Variants in PPP2R2B observed in about 807,000 individuals in gnomAD.
PPP2R2B encodes serine/threonine-protein phosphatase 2A 55 kDa regulatory subunit B beta isoform.
Under a neutral mutation model 46.0 loss-of-function variants are expected in PPP2R2B, and 5 were observed. That is an observed-to-expected ratio of 0.11 (90% CI 0.06 to 0.23). The LOEUF (loss-of-function observed/expected upper bound fraction) is 0.23, where lower values mean the gene tolerates loss of function less well. Ranked by LOEUF, PPP2R2B falls within the 10% of genes least tolerant of loss-of-function variation. The pLI, the probability that PPP2R2B is intolerant of heterozygous loss-of-function variation, is 1.00. For synonymous variants in PPP2R2B, 215 were observed against 206.7 expected (o/e 1.04, Z -0.34); for missense variants, 367 against 575.0 (o/e 0.64, Z 3.70).
chr5:146,972,961 T>G (rs887338100), intron 1 of PPP2R2B, among the ~76,000 whole-genome samples: 5 of 152,198 alleles, frequency 3.3e-5, no homozygotes, highest in Non-Finnish European at 7.3e-5. Flanking sequence ...GTTGTGTTTT[T>G]GCCATATAGA....
At chr5:146,875,452 A>G (rs1377146189) in intron 2 of PPP2R2B, among the ~76,000 whole-genome samples, 1 of 152,180 alleles carries the variant, frequency 6.6e-6, no homozygotes, top group African/African-American at 2.4e-5. Context: ...TAGCATTTGC[A>G]TTGCTCTTAG....
At chr5:146,742,387 T>C (rs1428922125) in intron 2 of PPP2R2B, among the ~76,000 whole-genome samples, 2 of 152,200 alleles carry the variant, frequency 1.3e-5, no homozygotes, top group Non-Finnish European at 2.9e-5. Context: ...TGACTAGCTA[T>C]GCTGCTTCAC....
intron 7 of PPP2R2B, among the ~76,000 whole-genome samples, chr5:146,618,727 A>G (rs1170491841): frequency 1.3e-5 from 2 of 152,090 alleles, no homozygotes; most frequent in Non-Finnish European, 2.9e-5. Flanking sequence ...GAGCTGGTGA[A>G]CCCCAGCTCA....
At chr5:146,651,317 A>G (rs1288913378) in intron 5 of PPP2R2B, among the ~76,000 whole-genome samples, 2 of 152,128 alleles carry the variant, frequency 1.3e-5, no homozygotes, top group East Asian at 3.9e-4. Flanking sequence ...CTTGGTTTAT[A>G]TTTGTCTTAG....
intron 2 of PPP2R2B, among the ~76,000 whole-genome samples, chr5:146,772,470 C>A (rs1582069594): frequency 6.7e-6 from 1 of 148,858 alleles, no homozygotes; most frequent in Non-Finnish European, 1.5e-5. Flanking sequence ...CAGAATGAGA[C>A]CCACCAAATT....
intron 1 of PPP2R2B, among the ~76,000 whole-genome samples, chr5:146,936,710 G>C (rs1764155352): frequency 6.6e-6 from 1 of 151,986 alleles, no homozygotes; most frequent in Non-Finnish European, 1.5e-5. Flanking sequence ...AGCCCCTACG[G>C]CTGTGGGCTT....
At chr5:146,690,732 A>T (rs1389219927) in intron 5 of PPP2R2B, among the ~76,000 whole-genome samples, 7 of 152,224 alleles carry the variant, frequency 4.6e-5, no homozygotes, top group Non-Finnish European at 2.9e-5. Flanking sequence ...GCAGAATTTG[A>T]AGCCAGGTCT....
intron 1 of PPP2R2B, among the ~76,000 whole-genome samples, chr5:146,893,643 G>A (rs961079862): frequency 2.6e-5 from 4 of 151,902 alleles, no homozygotes; most frequent in Non-Finnish European, 2.9e-5. Flanking sequence ...GTGAAAACCC[G>A]TCTCTACTAA....
intron 3 of PPP2R2B, among the ~76,000 whole-genome samples, chr5:146,698,826 G>A (rs1779370758): frequency 6.6e-6 from 1 of 151,722 alleles, no homozygotes; most frequent in Non-Finnish European, 1.5e-5. Flanking sequence ...ATTAAGGAAT[G>A]ATGAGACTTT....
At chr5:147,072,801 C>T (rs1447911283) in intron 2 of PPP2R2B, among the ~76,000 whole-genome samples, 1 of 152,170 alleles carries the variant, frequency 6.6e-6, no homozygotes, top group Non-Finnish European at 1.5e-5. Flanking sequence ...ACCCAGGGAA[C>T]CTGAGCAAAT....
rs573795571 is a variant in PPP2R2B at position 146,832,181 on chromosome 5, GCTTAA to G, written c.70+45816_70+45820del. ...TAAAGTAAAAGTTATAGTCAGCTAA[GCTTAA>G]CTTATTATTGAAGAAAGACTTTTAA... On this transcript the variant is annotated intron_variant, in intron 2 of 9. Coordinates refer to ENST00000394411, the MANE Select transcript of PPP2R2B (RefSeq NM_181675.4). Among the ~76,000 whole-genome samples the G allele has an allele frequency of 5.9e-5, 9 of 152,166 alleles. No individual in the cohort carries two copies. The East Asian group carries it at 1.2e-3, about 20-fold the overall frequency.
upstream of PPP2R2B, chr5:146,878,945 G>A: frequency 8.8e-7 from 1 of 1,131,424 alleles, no homozygotes; most frequent in Non-Finnish European, 1.1e-6. The surrounding 1 kb of genome is among the most constrained non-coding windows in gnomAD (Gnocchi z 4.5). Context: ...AGGTTCAGGT[G>A]GAACGCATAG....
chr5:146,814,065 G>C (rs1473221558), intron 2 of PPP2R2B, among the ~76,000 whole-genome samples: 1 of 151,950 alleles, frequency 6.6e-6, no homozygotes, highest in Non-Finnish European at 1.5e-5. Context: ...CGGACACATA[G>C]AACAGGGACT....
At chr5:146,735,948 G>A (rs1478570839) in intron 2 of PPP2R2B, among the ~76,000 whole-genome samples, 6 of 152,124 alleles carry the variant, frequency 3.9e-5, no homozygotes, top group Non-Finnish European at 7.3e-5. Flanking sequence ...AGACTGTGAT[G>A]GTGACTGATT....
chr5:147,060,151 A>T (rs896886373), upstream of PPP2R2B, among the ~76,000 whole-genome samples: 1 of 152,304 alleles, frequency 6.6e-6, no homozygotes, highest in East Asian at 1.9e-4. Flanking sequence ...ATAAAGTGCC[A>T]TATCTCCAGG....
chr5:146,898,447 T>A (rs1762717714), intron 1 of PPP2R2B, among the ~76,000 whole-genome samples: 1 of 152,072 alleles, frequency 6.6e-6, no homozygotes, highest in Admixed American at 6.6e-5. Context: ...CTGGATCCCT[T>A]CCTTACACCT....
chr5:146,718,343 G>C (rs1018699467), intron 2 of PPP2R2B, among the ~76,000 whole-genome samples: 1 of 151,556 alleles, frequency 6.6e-6, no homozygotes, highest in Admixed American at 6.6e-5. Flanking sequence ...AGCTGTGATC[G>C]CACCACTGTA....
chr5:146,792,886 C>G (rs908379692), intron 2 of PPP2R2B, among the ~76,000 whole-genome samples: 4 of 152,060 alleles, frequency 2.6e-5, no homozygotes, highest in African/African-American at 7.2e-5. Flanking sequence ...CTTTTTTACA[C>G]TGGGTGAGGT....
chr5:146,856,029 T>G lies in PPP2R2B; in HGVS notation c.70+21973A>C, dbSNP rs184598136. On this transcript the variant is annotated intron_variant, in intron 2 of 9. Coordinates refer to ENST00000394411, the MANE Select transcript of PPP2R2B (RefSeq NM_181675.4). ...GTGATACCTTTTATTCTTCGTTATA[T>G]TCAAAGTAAGATGCCCATATTGTCT... 5.9e-5 allele frequency among the ~76,000 whole-genome samples: 9 copies of G among 152,350 alleles called. No homozygotes were observed. In the East Asian group the frequency reaches 1.7e-3, roughly 29 times the overall value.
Sources: allele counts gnomAD v4.1 joint callset (sites outside exome capture counted in the v4.1 genomes callset), GRCh38; gene constraint gnomAD v4.1.1; non-coding constraint Gnocchi (gnomAD v3.1); transcripts MANE v1.5; gene names NCBI Gene and HGNC (gene_info 2026-07-23, HGNC 2026-07-21).